DCUN1D4: variants seen among roughly 807,000 people sequenced by gnomAD.
DCUN1D4 encodes the protein defective in cullin neddylation 1 domain containing 4.
Under a neutral mutation model 47.9 loss-of-function variants are expected in DCUN1D4, and 22 were observed. The observed-to-expected ratio is 0.46, with a 90% CI of 0.33 to 0.66. The LOEUF (loss-of-function observed/expected upper bound fraction) is 0.66, where lower values mean the gene tolerates loss of function less well. Among genes scored for constraint, DCUN1D4 ranks in the 30% least tolerant of loss-of-function variants. The pLI is 0.02. For synonymous variants in DCUN1D4, 121 were observed against 112.2 expected (o/e 1.08, Z -0.50); for missense variants, 301 against 340.8 (o/e 0.88, Z 0.92).
intron 1 of DCUN1D4, 150 bp from the exon 2 acceptor site, chr4:51,863,287 G>A: frequency 1.5e-6 from 1 of 660,454 alleles, no homozygotes; most frequent in Non-Finnish European, 2.7e-6. Flanking sequence ...ATTTCTAGGA[G>A]GTCACTAATT....
chr4:51,891,212 G>A (rs1303125752), intron 6 of DCUN1D4, among the ~76,000 whole-genome samples: 1 of 152,214 alleles, frequency 6.6e-6, no homozygotes, highest in Non-Finnish European at 1.5e-5. Context: ...ATACATCTTG[G>A]AAATTATTCC....
chr4:51,865,471 G>C (rs1044877593), intron 3 of DCUN1D4: 3 of 153,928 alleles, frequency 1.9e-5, no homozygotes, highest in African/African-American at 7.2e-5. Flanking sequence ...GCTGCATGCT[G>C]ACCTCCTCCA....
chr4:51,834,086 C>CTTTTTTTTTTTTTTTT, the DCUN1D4 span, among the ~76,000 whole-genome samples: 1 of 47,004 alleles, frequency 2.1e-5, no homozygotes, highest in Admixed American at 1.8e-4. Context: ...CTCTCTCTCT[C>CTTTTTTTTTTTTTTTT]TTTTCTTTTC....
chr4:51,863,478 C>A lies in DCUN1D4; in HGVS notation c.67C>A (p.His23Asn), dbSNP rs761210461. ...NSHLSTLANI[H>N]KIYHTLNKLN... ...TCATCTCTCAACACTGGCAAATATT[C>A]ATAAGATCTACCACACCCTTAATAA... Residue 23 changes from histidine to asparagine, a missense_variant, in exon 2 of 11, where the codon CAT becomes AAT. Physicochemically the swap from His to Asn is moderately conservative, Grantham distance 68. Coordinates refer to ENST00000334635, the MANE Select transcript of DCUN1D4 (RefSeq NM_001040402.3). 4.3e-6 allele frequency: 7 copies of A among 1,612,996 alleles called. No individual in the cohort carries two copies. The South Asian group carries it at 6.6e-5, about 15-fold the overall frequency.
At chr4:51,911,998 ATGTAATGGTCCAGAATATTTT>A (rs1733788478) in intron 9 of DCUN1D4, among the ~76,000 whole-genome samples, 1 of 152,132 alleles carries the variant, frequency 6.6e-6, no homozygotes, top group African/African-American at 2.4e-5. Context: ...AACTTACTTT[ATGTAATGGTCCAGAATATTTT>A]TAATATCTGA....
intron 6 of DCUN1D4, among the ~76,000 whole-genome samples, chr4:51,888,813 T>C (rs1457897607): frequency 6.7e-6 from 1 of 150,280 alleles, no homozygotes; most frequent in Non-Finnish European, 1.5e-5. Flanking sequence ...GACCATATTA[T>C]CCAAGTATGT....
chr4:51,878,367 T>C (rs969226452), intron 5 of DCUN1D4, among the ~76,000 whole-genome samples: 1 of 152,216 alleles, frequency 6.6e-6, no homozygotes, highest in Non-Finnish European at 1.5e-5. Context: ...TTATTTGTTA[T>C]TGTGGCTTTG....
chr4:51,896,388 C>T (rs1005071824), intron 7 of DCUN1D4, among the ~76,000 whole-genome samples: 8 of 152,102 alleles, frequency 5.3e-5, no homozygotes, highest in African/African-American at 1.9e-4. Context: ...GTGCTTCCTG[C>T]TCTTGAATCT....
At chr4:51,911,968 T>C (rs1035404838) in intron 9 of DCUN1D4, among the ~76,000 whole-genome samples, 5 of 152,180 alleles carry the variant, frequency 3.3e-5, no homozygotes, top group Non-Finnish European at 5.9e-5. Context: ...CTGGCTTCAC[T>C]CTTGAATAAT....
chr4:51,859,081 C>G (rs947176497), intron 1 of DCUN1D4, among the ~76,000 whole-genome samples: 6 of 152,190 alleles, frequency 3.9e-5, no homozygotes, highest in Non-Finnish European at 8.8e-5. Flanking sequence ...GCCTGACTTC[C>G]TTCTTTTCCC....
chr4:51,845,333 G>A (rs1722368926), intron 1 of DCUN1D4: 1 of 955,870 alleles, frequency 1.0e-6, no homozygotes, highest in South Asian at 4.8e-5. Context: ...ATGAGTGATG[G>A]AGGTGGGTTA....
intron 3 of DCUN1D4, among the ~76,000 whole-genome samples, chr4:51,868,176 G>C (rs1320333947): frequency 6.6e-6 from 1 of 152,230 alleles, no homozygotes; most frequent in East Asian, 1.9e-4. Context: ...GGGGCAGGGG[G>C]CCTTCCCAGT....
At chr4:51,905,834 G>A (rs1362870622) in intron 8 of DCUN1D4, among the ~76,000 whole-genome samples, 1 of 152,132 alleles carries the variant, frequency 6.6e-6, no homozygotes, top group Non-Finnish European at 1.5e-5. Context: ...CCACAGAGTA[G>A]GATGTGTTTC....
chr4:51,836,058 A>G, the DCUN1D4 span, among the ~76,000 whole-genome samples: 1 of 152,174 alleles, frequency 6.6e-6, no homozygotes, highest in East Asian at 1.9e-4. Context: ...TCAGATGTCA[A>G]CCAGACTCGG....
At chr4:51,847,956 C>T (rs4865195) in intron 1 of DCUN1D4, among the ~76,000 whole-genome samples, 63,346 of 152,042 alleles carry the variant, frequency 0.42, 15,946 homozygotes, top group African/African-American at 0.71. Flanking sequence ...ATGTCTTACC[C>T]AGTATCCACT....
intron 9 of DCUN1D4, among the ~76,000 whole-genome samples, chr4:51,911,594 G>GTTCTTATCT (rs1204236978): frequency 6.6e-6 from 1 of 152,184 alleles, no homozygotes; most frequent in Non-Finnish European, 1.5e-5. Flanking sequence ...TTTGTAGTAT[G>GTTCTTATCT]TTCTTATCTA....
chr4:51,844,368 G>T (rs1005513903), intron 1 of DCUN1D4: 2 of 984,896 alleles, frequency 2.0e-6, no homozygotes, highest in African/African-American at 3.5e-5. Context: ...GTTGGAACTG[G>T]CCGTGGTTCC....
At chr4:51,883,916 T>G (rs910208528) in intron 5 of DCUN1D4, among the ~76,000 whole-genome samples, 1 of 151,126 alleles carries the variant, frequency 6.6e-6, no homozygotes, top group Non-Finnish European at 1.5e-5. Flanking sequence ...TATGTATTAA[T>G]GTACAAAACT....
chr4:51,888,608 A>G (rs934889872), intron 6 of DCUN1D4, among the ~76,000 whole-genome samples: 4 of 151,734 alleles, frequency 2.6e-5, no homozygotes, highest in African/African-American at 7.2e-5. Context: ...AGGTGTGGCT[A>G]CTTAGGAGGT....
Sources: allele counts gnomAD v4.1 joint callset (sites outside exome capture counted in the v4.1 genomes callset), GRCh38; gene constraint gnomAD v4.1.1; transcripts MANE v1.5; gene names NCBI Gene and HGNC (gene_info 2026-07-23, HGNC 2026-07-21).